KIAA0825: variants seen among roughly 807,000 people sequenced by gnomAD.
KIAA0825 encodes the protein uncharacterized protein KIAA0825.
Under a neutral mutation model 147.6 loss-of-function variants are expected in KIAA0825, and 119 were observed. The ratio of observed to expected loss-of-function variants is 0.81; its 90% CI spans 0.69 to 0.94. The LOEUF (loss-of-function observed/expected upper bound fraction) is 0.94, where lower values mean the gene tolerates loss of function less well. Among genes scored for constraint, KIAA0825 ranks in the 40% least tolerant of loss-of-function variants. The pLI, the probability that KIAA0825 is intolerant of heterozygous loss-of-function variation, is 0.00. For missense variants in KIAA0825, 1,381 were observed against 1,472.7 expected, an observed-to-expected ratio of 0.94 and a Z score of 1.02; for synonymous variants, 470 against 518.1, an observed-to-expected ratio of 0.91 and a Z score of 1.26.
intron 14 of KIAA0825, among the ~76,000 whole-genome samples, chr5:94,424,469 A>T (rs1442260117): frequency 6.6e-6 from 1 of 152,150 alleles, no homozygotes; most frequent in Non-Finnish European, 1.5e-5. Context: ...AAAATTCCTA[A>T]AACAAATGAA....
chr5:94,492,985 GATC>G (rs1489010411), intron 5 of KIAA0825, among the ~76,000 whole-genome samples: 1 of 152,156 alleles, frequency 6.6e-6, no homozygotes, highest in East Asian at 1.9e-4. Flanking sequence ...ATGTGCATGT[GATC>G]ATCATCTTTT....
chr5:94,596,161 C>T (rs1336779245), intron 1 of KIAA0825, among the ~76,000 whole-genome samples: 18 of 152,178 alleles, frequency 1.2e-4, no homozygotes, highest in Admixed American at 1.2e-3. Context: ...TTTGCTACTT[C>T]CTATGACCAG....
chr5:94,289,264 G>A (rs976618060), intron 20 of KIAA0825, among the ~76,000 whole-genome samples: 1 of 152,108 alleles, frequency 6.6e-6, no homozygotes, highest in Non-Finnish European at 1.5e-5. Flanking sequence ...GGCCGGGAGT[G>A]GTGGCTCATA....
At chr5:94,363,996 C>T (rs1008112313) in intron 20 of KIAA0825, among the ~76,000 whole-genome samples, 1 of 151,832 alleles carries the variant, frequency 6.6e-6, no homozygotes, top group African/African-American at 2.4e-5. Context: ...CAGCCAAAAG[C>T]GTGAACAGAA....
intron 2 of KIAA0825, among the ~76,000 whole-genome samples, chr5:94,543,317 C>A (rs1016529179): frequency 2.6e-5 from 4 of 152,112 alleles, no homozygotes; most frequent in Admixed American, 6.5e-5. Context: ...GGGGCACATG[C>A]CTGTAATCCC....
intron 2 of KIAA0825, among the ~76,000 whole-genome samples, chr5:94,552,783 G>A (rs763379906): frequency 1.3e-5 from 2 of 152,102 alleles, no homozygotes; most frequent in East Asian, 3.9e-4. Flanking sequence ...GTTAAACACC[G>A]CATGCTAACA....
chr5:94,412,526 G>A (rs1752901827), intron 15 of KIAA0825, among the ~76,000 whole-genome samples: 1 of 151,840 alleles, frequency 6.6e-6, no homozygotes, highest in Non-Finnish European at 1.5e-5. Flanking sequence ...TCAGGCTCCC[G>A]AGTAGCTGGG....
chr5:94,535,524 G>T (rs113555349), intron 3 of KIAA0825, among the ~76,000 whole-genome samples: 173 of 133,970 alleles, frequency 1.3e-3, no homozygotes, highest in African/African-American at 3.9e-3. Flanking sequence ...AAAAAAGCTT[G>T]TAATCATAAG....
At chr5:94,393,002 G>T (rs1304005010) in intron 17 of KIAA0825, among the ~76,000 whole-genome samples, 1 of 151,382 alleles carries the variant, frequency 6.6e-6, no homozygotes, top group Non-Finnish European at 1.5e-5. Context: ...AAAAATTCTT[G>T]TCGGGTTTTG....
At chr5:94,323,556 C>CAA (rs78678665) in intron 20 of KIAA0825, among the ~76,000 whole-genome samples, 1 of 112,864 alleles carries the variant, frequency 8.9e-6, no homozygotes, top group East Asian at 2.4e-4. Context: ...AGCTCCAGAC[C>CAA]AAAAAAAAAA....
intron 1 of KIAA0825, among the ~76,000 whole-genome samples, chr5:94,617,436 G>C (rs867655769): frequency 3.3e-5 from 5 of 152,108 alleles, no homozygotes; most frequent in Non-Finnish European, 5.9e-5. Context: ...CACTGGCCTG[G>C]TGTTAACAGG....
chr5:94,165,159 T>C (rs1007582246), intron 20 of KIAA0825, among the ~76,000 whole-genome samples: 1 of 152,070 alleles, frequency 6.6e-6, no homozygotes, highest in Non-Finnish European at 1.5e-5. Flanking sequence ...CAAACAACTC[T>C]ACAGAAAAAA....
chr5:94,426,507 T>C (rs1562485819), intron 14 of KIAA0825, among the ~76,000 whole-genome samples: 3 of 152,166 alleles, frequency 2.0e-5, no homozygotes, highest in Admixed American at 1.3e-4. Context: ...TAAAACTTGA[T>C]CTATTGGAGG....
At chr5:94,346,145 G>C (rs979330452) in intron 20 of KIAA0825, among the ~76,000 whole-genome samples, 1 of 152,076 alleles carries the variant, frequency 6.6e-6, no homozygotes, top group East Asian at 1.9e-4. Context: ...CAGAAATTGG[G>C]ATAAGACAAT....
In KIAA0825 at chr5:94,153,898, G is replaced by T; in HGVS notation, c.*109C>A. The T allele has an allele frequency of 1.5e-6, 1 of 679,512 alleles. No individual in the cohort carries two copies. Among genetic ancestry groups the T allele is most frequent in the South Asian group, 1.9e-5 (1 of 53,448 alleles). 42.1% of individuals were successfully genotyped at this position (679,512 alleles called of 1,614,324 possible). On this transcript the variant is annotated 3_prime_UTR_variant, in exon 21 of 21. Coordinates refer to ENST00000682413, the MANE Select transcript of KIAA0825 (RefSeq NM_001145678.3). Reference sequence around the variant, plus strand: ...TCAGTACAGAGATTACTCAGTCATTGGTTTCATGCTTCACAGCACATATGA... The same window carrying T: ...TCAGTACAGAGATTACTCAGTCATTTGTTTCATGCTTCACAGCACATATGA...
chr5:94,343,221 C>T (rs549591567), intron 20 of KIAA0825, among the ~76,000 whole-genome samples: 1 of 152,284 alleles, frequency 6.6e-6, no homozygotes, highest in South Asian at 2.1e-4. Flanking sequence ...TTCTCAGCAG[C>T]CTTCCACCTT....
intron 1 of KIAA0825, among the ~76,000 whole-genome samples, chr5:94,603,056 T>C (rs1366128774): frequency 2.0e-5 from 3 of 152,124 alleles, no homozygotes; most frequent in Non-Finnish European, 2.9e-5. Flanking sequence ...CTTGAACTCC[T>C]GACCTCATGA....
chr5:94,403,020 A>T (rs1219908014), intron 16 of KIAA0825, among the ~76,000 whole-genome samples: 3 of 152,094 alleles, frequency 2.0e-5, no homozygotes, highest in African/African-American at 7.2e-5. Flanking sequence ...CGCTGTTCTG[A>T]ATAGGAACAA....
chr5:94,332,801 C>T (rs1781416824), intron 20 of KIAA0825, among the ~76,000 whole-genome samples: 1 of 152,156 alleles, frequency 6.6e-6, no homozygotes, highest in Non-Finnish European at 1.5e-5. Flanking sequence ...TGAGTAATTG[C>T]CACAATATCT....
Sources: allele counts gnomAD v4.1 joint callset (sites outside exome capture counted in the v4.1 genomes callset), GRCh38; gene constraint gnomAD v4.1.1; transcripts MANE v1.5; gene names NCBI Gene and HGNC (gene_info 2026-07-23, HGNC 2026-07-21).